IKZF1: variants seen among roughly 807,000 people sequenced by gnomAD.
IKZF1 encodes DNA-binding protein Ikaros.
A neutral mutation model predicts 51.7 loss-of-function variants in IKZF1; 10 were observed. The observed-to-expected ratio is 0.19, with a 90% CI of 0.12 to 0.33. The LOEUF (loss-of-function observed/expected upper bound fraction) is 0.33, where lower values mean the gene tolerates loss of function less well. Ranked by LOEUF, IKZF1 falls within the 10% of genes least tolerant of loss-of-function variation. The pLI is 1.00. For missense variants in IKZF1, 484 were observed against 707.5 expected, an observed-to-expected ratio of 0.68 and a Z score of 3.58; for synonymous variants, 280 against 282.3, an observed-to-expected ratio of 0.99 and a Z score of 0.08.
chr7:50,356,933 C>T lies in IKZF1; in HGVS notation c.161-19600C>T, dbSNP rs10274403. 1.9e-4 allele frequency among the ~76,000 whole-genome samples: 29 copies of T among 151,098 alleles called. 1 individual carries two copies. The highest frequency in any genetic ancestry group is 5.6e-4 in the African/African-American group (23 of 40,982). On this transcript the variant is annotated intron_variant, in intron 3 of 7. Transcript: ENST00000331340. ...CGGGGTGGCAGAAGGCCCGACTGTC[C>T]GGTCTTCTGGAAGCTGGGGTCTCGT...
intron 1 of IKZF1, among the ~76,000 whole-genome samples, chr7:50,310,903 G>A (rs1191890914): frequency 6.6e-6 from 1 of 152,174 alleles, no homozygotes; most frequent in Admixed American, 6.5e-5. Context: ...GGAACCCCTC[G>A]AAGGTGGGGT....
intron 3 of IKZF1, among the ~76,000 whole-genome samples, chr7:50,357,386 GC>G (rs896830987): frequency 1.8e-5 from 2 of 109,918 alleles, no homozygotes; most frequent in Non-Finnish European, 1.8e-5. Flanking sequence ...CCCTGCTGTA[GC>G]CCCCCACCTC....
chr7:50,372,629 G>A (rs544304427), intron 3 of IKZF1, among the ~76,000 whole-genome samples: 10 of 152,166 alleles, frequency 6.6e-5, no homozygotes, highest in Admixed American at 3.9e-4. Context: ...CTAGAGCATC[G>A]CAGTGTCCTT....
At chr7:50,385,048 G>T (rs1378108042) in intron 5 of IKZF1, among the ~76,000 whole-genome samples, 1 of 152,128 alleles carries the variant, frequency 6.6e-6, no homozygotes, top group Admixed American at 6.5e-5. Flanking sequence ...AGGCATGATG[G>T]TTTCCTATTC....
chr7:50,321,623 C>T (rs903395992), intron 2 of IKZF1, among the ~76,000 whole-genome samples: 1 of 152,000 alleles, frequency 6.6e-6, no homozygotes, highest in African/African-American at 2.4e-5. Context: ...AATGAGACCC[C>T]TTTGGCCAAT....
At chr7:50,384,098 C>T (rs1331846435) in intron 5 of IKZF1, among the ~76,000 whole-genome samples, 3 of 152,186 alleles carry the variant, frequency 2.0e-5, no homozygotes, top group Non-Finnish European at 2.9e-5. Flanking sequence ...GAGAGACTTC[C>T]CATAGAAGGG....
chr7:50,402,965 A>G lies in IKZF1; in HGVS notation c.*2338A>G, dbSNP rs529079269. ...TTAGAGTCAGTTTGTTGCAAATTTCACCTACTCTGTTCTTTTCCATCCATC... is the reference window on the plus strand; with the variant it reads ...TTAGAGTCAGTTTGTTGCAAATTTCGCCTACTCTGTTCTTTTCCATCCATC... On this transcript the variant is annotated 3_prime_UTR_variant, in exon 8 of 8. Transcript: ENST00000331340. 2 of 228,130 alleles carry G rather than the reference A, an allele frequency of 8.8e-6. No homozygotes were observed. The highest frequency in any genetic ancestry group is 3.6e-4 in the South Asian group (2 of 5,480). The allele number at this position is 228,130 out of a possible 1,614,324, so 14.1% of individuals were successfully genotyped here.
rs73695637 is a variant in IKZF1, at chr7:50,405,040, G to A, written c.*4413G>A. On this transcript the variant is annotated 3_prime_UTR_variant, in exon 8 of 8. Transcript: ENST00000331340. The stretch of plus-strand genomic sequence containing the variant: ...AAAAATTTCTGATCCCATTTCTGAT[G>A]GATGTGTCACACCTTTTCTGTCAAA... 0.034 allele frequency: 6,790 copies of A among 197,710 alleles called. 281 individuals are homozygous for A. Among genetic ancestry groups the A allele is most frequent in the African/African-American group, 0.11 (4,707 of 43,456 alleles). 12.2% of individuals were successfully genotyped at this position (197,710 alleles called of 1,614,324 possible).
Position 50,323,337 on chromosome 7 carries a change from T to C in IKZF1, c.40+4236T>C, listed in dbSNP as rs559861457. ...GAGTGGAAGCTTCTCCACTACTTTA[T>C]AGAGTTGAGATTCTATATTTTGAGC... On this transcript the variant is annotated intron_variant, in intron 2 of 7. Transcript: ENST00000331340. 2.9e-4 allele frequency among the ~76,000 whole-genome samples: 44 copies of C among 152,320 alleles called. 1 individual carries two copies. The South Asian group carries it at 9.1e-3, about 32-fold the overall frequency.
chr7:50,359,314 A>C (rs1804510766), intron 3 of IKZF1, among the ~76,000 whole-genome samples: 1 of 152,240 alleles, frequency 6.6e-6, no homozygotes, highest in African/African-American at 2.4e-5. Flanking sequence ...TTCCTTGCTC[A>C]GAAATCTCTA....
intron 1 of IKZF1, among the ~76,000 whole-genome samples, chr7:50,309,260 TCTGA>T (rs1478896726): frequency 6.6e-6 from 1 of 152,170 alleles, no homozygotes; most frequent in Non-Finnish European, 1.5e-5. Flanking sequence ...CTAAAGTAAA[TCTGA>T]CTCTCTTCCC....
rs2153469376 is a variant in IKZF1, at chr7:50,376,653, G to A, written c.281G>A (p.Gly94Asp). ...MLDASGEKMN[G>D]SHRDQGSSAL... ...GATGCCTCGGGAGAGAAAATGAATG[G>A]CTCCCACAGGGACCAAGGCAGCTCG... is the stretch of plus-strand genomic sequence containing the variant. Residue 94 changes from glycine (G) to aspartate (D), a missense_variant, in exon 4 of 8, where the codon GGC becomes GAC. By Grantham distance (94) the Gly-to-Asp change is moderately conservative. Around this residue, in one of 6 missense-constraint regions of IKZF1, gnomAD observed 118 missense variants for 138.4 expected, o/e 0.85. Transcript: ENST00000331340. This position sits in a 1 kb window ranked among gnomAD's most constrained non-coding sequence, Gnocchi z 4.5. 1 of 1,613,996 alleles carries A rather than the reference G, an allele frequency of 6.2e-7. No homozygotes were observed. Among genetic ancestry groups the A allele is most frequent in the East Asian group, 2.2e-5 (1 of 44,886 alleles).
chr7:50,349,511 G>A (rs1468904663), intron 3 of IKZF1, among the ~76,000 whole-genome samples: 1 of 152,162 alleles, frequency 6.6e-6, no homozygotes, highest in African/African-American at 2.4e-5. Context: ...GGAACAAAAC[G>A]TGGACCAAGG....
intron 7 of IKZF1, among the ~76,000 whole-genome samples, chr7:50,397,252 T>A (rs921047965): frequency 2.6e-5 from 4 of 152,266 alleles, no homozygotes; most frequent in African/African-American, 9.6e-5. Context: ...TATATAATTA[T>A]GTGTATATAT....
intron 3 of IKZF1, among the ~76,000 whole-genome samples, chr7:50,365,117 A>G (rs950717629): frequency 1.3e-5 from 2 of 152,174 alleles, no homozygotes; most frequent in East Asian, 3.9e-4. Flanking sequence ...CAAAACCTCT[A>G]CTACCCACCT....
intron 2 of IKZF1, 32 bp from the exon 3 acceptor site, chr7:50,327,606 G>A (rs749183592): frequency 2.0e-5 from 31 of 1,576,886 alleles, no homozygotes; most frequent in Admixed American, 1.3e-4. Context: ...GACCATGACC[G>A]CCCGAGACTC....
At chr7:50,378,220 A>G (rs1168584243) in intron 4 of IKZF1, among the ~76,000 whole-genome samples, 4 of 152,228 alleles carry the variant, frequency 2.6e-5, no homozygotes, top group African/African-American at 9.7e-5. Context: ...ATAAGTTGAT[A>G]TCAATAGATA....
intron 3 of IKZF1, among the ~76,000 whole-genome samples, chr7:50,333,499 G>A (rs1796876327): frequency 6.6e-6 from 1 of 152,156 alleles, no homozygotes; most frequent in Admixed American, 6.5e-5. Flanking sequence ...AGCAGCTAGA[G>A]GAAGTTGTTT....
chr7:50,310,459 A>T (rs1789892176), intron 1 of IKZF1, among the ~76,000 whole-genome samples: 1 of 151,980 alleles, frequency 6.6e-6, no homozygotes, highest in Non-Finnish European at 1.5e-5. Context: ...CATTTTTTGT[A>T]CCCCCACAAA....
Sources: allele counts gnomAD v4.1 joint callset (sites outside exome capture counted in the v4.1 genomes callset), GRCh38; gene constraint gnomAD v4.1.1; regional missense constraint gnomAD v4.1.1; non-coding constraint Gnocchi (gnomAD v3.1); transcripts MANE v1.5; gene names NCBI Gene and HGNC (gene_info 2026-07-23, HGNC 2026-07-21).